NRXN3: variants seen among roughly 807,000 people sequenced by gnomAD.
NRXN3 encodes neurexin 3, also known as neurexin III.
NRXN3 carries 32 observed loss-of-function variants against 137.6 expected under a neutral mutation model. The ratio of observed to expected loss-of-function variants is 0.23; its 90% confidence interval spans 0.18 to 0.31. The LOEUF is 0.31. NRXN3 is among the 10% of genes least tolerant of loss of function. The pLI is 1.00. For missense variants in NRXN3, 1,574 were observed against 2,062.5 expected, an observed-to-expected ratio of 0.76 and a Z score of 4.59; for synonymous variants, 798 against 784.5, an observed-to-expected ratio of 1.02 and a Z score of -0.29.
At chr14:78,984,819 TA>T (rs2099499027) in intron 14 of NRXN3, among the ~76,000 whole-genome samples, 1 of 152,180 alleles carries the variant, frequency 6.6e-6, no homozygotes, top group Non-Finnish European at 1.5e-5. Flanking sequence ...GAGAGGGCTG[TA>T]GCACTGTGAG....
At chr14:78,181,074 T>A (rs1482280725) in intron 1 of NRXN3, among the ~76,000 whole-genome samples, 1 of 152,200 alleles carries the variant, frequency 6.6e-6, no homozygotes, top group Non-Finnish European at 1.5e-5. Context: ...AAAGCAGGTG[T>A]TGGGAGGCTG....
At position 78,255,999 on chromosome 14, in the gene NRXN3, T is replaced by C. The variant is rs754350932; in HGVS notation, c.709+12197T>C. ...AATGGGAAAAGTGTCAGTTTTATTG[T>C]GGGACAGTTTTTGTTGAATCTGTGT... On this transcript the variant is annotated intron_variant, in intron 2 of 20. Coordinates refer to ENST00000335750, the MANE Select transcript of NRXN3 (RefSeq NM_001330195.2). Among the ~76,000 whole-genome samples the C allele has an allele frequency of 9.8e-5, 15 of 152,340 alleles. No homozygotes were observed. The Middle Eastern group carries it at 0.02, about 207-fold the overall frequency.
At chr14:78,620,742 A>G (rs1029913561) in intron 4 of NRXN3, among the ~76,000 whole-genome samples, 1 of 152,220 alleles carries the variant, frequency 6.6e-6, no homozygotes. Flanking sequence ...CTTTCCATGT[A>G]TAATTTCATT....
intron 8 of NRXN3, among the ~76,000 whole-genome samples, chr14:78,802,885 GCA>G (rs1249451658): frequency 1.8e-4 from 27 of 152,218 alleles, no homozygotes; most frequent in Non-Finnish European, 3.7e-4. Flanking sequence ...GGCAGAGGCT[GCA>G]GTGAGCGAAG....
chr14:78,957,147 C>A, intron 10 of NRXN3, 95 bp from the exon 11 acceptor site: 1 of 1,315,702 alleles, frequency 7.6e-7, no homozygotes, highest in Non-Finnish European at 1.1e-6. Context: ...TTGAATGCTG[C>A]TGGGTCATGT....
At chr14:78,590,039 G>A (rs1023638202) in intron 4 of NRXN3, among the ~76,000 whole-genome samples, 1 of 152,206 alleles carries the variant, frequency 6.6e-6, no homozygotes. Flanking sequence ...TCCAAAGAAG[G>A]AAGGGGGATC....
intron 4 of NRXN3, among the ~76,000 whole-genome samples, chr14:78,466,220 A>C (rs1273135887): frequency 6.6e-6 from 1 of 152,172 alleles, no homozygotes; most frequent in African/African-American, 2.4e-5. Flanking sequence ...TATTGTCTTC[A>C]AAAAAATAAA....
In NRXN3 at chr14:79,786,676, C is replaced by T. The variant is rs1030761025; in HGVS notation, c.4015-18436C>T. Among the ~76,000 whole-genome samples, 11 of 152,206 alleles carry T rather than the reference C, an allele frequency of 7.2e-5. 1 individual carries two copies. The highest frequency in any genetic ancestry group is 4.1e-4 in the South Asian group (2 of 4,824). On this transcript the variant is annotated intron_variant, in intron 19 of 20. Coordinates refer to ENST00000335750, the MANE Select transcript of NRXN3 (RefSeq NM_001330195.2). ...ATCCCCCTGCATGCATTAATGTGTGCGTCGAAGGGAAGAAGAGCAAGGGAT... is the reference window on the plus strand; with the variant it reads ...ATCCCCCTGCATGCATTAATGTGTGTGTCGAAGGGAAGAAGAGCAAGGGAT...
chr14:79,563,997 G>A (rs747604841), intron 16 of NRXN3, among the ~76,000 whole-genome samples: 3 of 152,024 alleles, frequency 2.0e-5, no homozygotes, highest in Admixed American at 6.6e-5. Context: ...TGTGAAATAA[G>A]TATTAAGAGG....
Position 78,252,820 on chromosome 14 carries a change from G to A in NRXN3, c.709+9018G>A, listed in dbSNP as rs191904868. Among the ~76,000 whole-genome samples the A allele has an allele frequency of 1.5e-3, 232 of 152,336 alleles. 2 individuals carry two copies. Among genetic ancestry groups the A allele is most frequent in the Admixed American group, 0.011 (172 of 15,304 alleles). Reference sequence around the variant, plus strand: ...TGTGTACAGCTTATTTACTTAATAGGTTGCTTTCAAATAGAAAGGAGTACC... The same window carrying A: ...TGTGTACAGCTTATTTACTTAATAGATTGCTTTCAAATAGAAAGGAGTACC... On this transcript the variant is annotated intron_variant, in intron 2 of 20. Transcript: ENST00000335750.
chr14:78,284,918 A>C (rs548143248), intron 3 of NRXN3, among the ~76,000 whole-genome samples: 1 of 152,248 alleles, frequency 6.6e-6, no homozygotes, highest in Non-Finnish European at 1.5e-5. Context: ...CCAATGAAGA[A>C]CCTTGAGCTC....
At chr14:78,591,425 G>A (rs2097115161) in intron 4 of NRXN3, among the ~76,000 whole-genome samples, 1 of 152,166 alleles carries the variant, frequency 6.6e-6, no homozygotes, top group South Asian at 2.1e-4. Flanking sequence ...GAGTAGCGTG[G>A]TGTAGTGGAC....
intron 16 of NRXN3, among the ~76,000 whole-genome samples, chr14:79,486,913 T>TTC (rs58861355): frequency 0.015 from 1,923 of 128,378 alleles, 44 homozygotes; most frequent in East Asian, 0.039. Flanking sequence ...TCTTTACAGG[T>TTC]TCTCTCTCTC....
chr14:79,171,582 G>GA lies in NRXN3; in HGVS notation c.3262+183448dup, dbSNP rs2061784516. Among the ~76,000 whole-genome samples, 5 of 152,056 alleles carry GA rather than the reference G, an allele frequency of 3.3e-5. No individual in the cohort carries two copies. The South Asian group carries it at 6.2e-4, about 19-fold the overall frequency. On this transcript the variant is annotated intron_variant, in intron 15 of 20. Coordinates refer to ENST00000335750, the MANE Select transcript of NRXN3 (RefSeq NM_001330195.2). ...ATGACACTATCCTTTGGAATGCAGG[G>GA]AAAAAAATTCCAAATGACAATTTGT...
intron 15 of NRXN3, among the ~76,000 whole-genome samples, chr14:79,376,874 A>G (rs1056266519): frequency 2.6e-5 from 4 of 152,226 alleles, no homozygotes; most frequent in African/African-American, 9.6e-5. Flanking sequence ...TGTTAATGCC[A>G]TGCAATCCTA....
At chr14:79,685,630 G>T (rs1000136687) in intron 17 of NRXN3, among the ~76,000 whole-genome samples, 1 of 152,122 alleles carries the variant, frequency 6.6e-6, no homozygotes. Context: ...GGTTGCAGTC[G>T]CCTGGGCCTA....
Position 78,709,611 on chromosome 14 carries a change from A to G in NRXN3, c.1616A>G (p.Asp539Gly), listed in dbSNP as rs1333018837. The G allele has an allele frequency of 3.7e-6, 6 of 1,613,820 alleles. No homozygotes were observed. Among genetic ancestry groups the G allele is most frequent in the Non-Finnish European group, 5.1e-6 (6 of 1,179,982 alleles). The change falls in exon 7 of 21, where the codon GAT becomes GGT. Residue 539 changes from aspartate to glycine, a missense_variant. By Grantham distance (94) the Asp-to-Gly change is moderately conservative. Transcript: ENST00000335750. ...KVKATQKKAN[D>G]GEWYHVDIQR... is the part of the protein sequence containing the mutation. ...AAAGCCACTCAGAAGAAAGCCAATG[A>G]TGGGGAATGGTACCATGTGGACATT...
At chr14:79,583,358 A>G (rs1266252312) in intron 16 of NRXN3, among the ~76,000 whole-genome samples, 2 of 152,198 alleles carry the variant, frequency 1.3e-5, no homozygotes, top group Non-Finnish European at 1.5e-5. Context: ...GTGTCTTAAC[A>G]TTGCTAAGAA....
chr14:78,980,277 C>T (rs188421294), intron 14 of NRXN3, among the ~76,000 whole-genome samples: 1 of 152,338 alleles, frequency 6.6e-6, no homozygotes, highest in African/African-American at 2.4e-5. Flanking sequence ...TGTCACTTCT[C>T]CTTTTCTCCC....
Sources: gnomAD v4.1 joint callset for allele counts (sites outside exome capture counted in the v4.1 genomes callset) on GRCh38, gnomAD v4.1.1 for gene constraint, MANE v1.5 for transcripts, NCBI Gene and HGNC (gene_info 2026-07-23, HGNC 2026-07-21) for gene names.